Variants in DLC1 observed in about 807,000 individuals in gnomAD.
DLC1 encodes the protein rho GTPase-activating protein 7.
DLC1 carries 54 observed loss-of-function variants against 140.3 expected under a neutral mutation model. That is an observed-to-expected ratio of 0.38 (90% CI 0.31 to 0.48). The LOEUF (loss-of-function observed/expected upper bound fraction) is 0.48. Ranked by LOEUF, DLC1 falls within the 20% of genes least tolerant of loss-of-function variation. The probability of loss-of-function intolerance (pLI) is 0.96; values close to 1 mark genes in which losing one functional copy is unlikely to be tolerated. For missense variants in DLC1, 2,536 were observed against 1,907.0 expected (o/e 1.33, Z -6.14); for synonymous variants, 986 against 728.1 (o/e 1.35, Z -5.70).
Position 13,085,936 on chromosome 8 carries a change from C to G in DLC1, c.4467-5G>C. On this transcript the variant is annotated splice_polypyrimidine_tract_variant and splice_region_variant and intron_variant, in intron 17 of 17. Transcript: ENST00000276297. ...TACCATTCTGGCATGTGGCCCCTAT[C>G]AGAGAAAAGAAAGAAAAGCTGATGA... The G allele has an allele frequency of 6.2e-7, 1 of 1,611,702 alleles. No homozygotes were observed. Among genetic ancestry groups the G allele is most frequent in the Non-Finnish European group, 8.5e-7 (1 of 1,179,408 alleles).
chr8:13,503,187 T>C (rs922821016), intron 1 of DLC1, among the ~76,000 whole-genome samples: 1 of 152,126 alleles, frequency 6.6e-6, no homozygotes, highest in Non-Finnish European at 1.5e-5. Flanking sequence ...TGCGGATCAC[T>C]TGAGCCAGGA....
intron 5 of DLC1, among the ~76,000 whole-genome samples, chr8:13,293,670 A>G (rs927198181): frequency 5.9e-5 from 9 of 152,236 alleles, no homozygotes; most frequent in Non-Finnish European, 5.9e-5. Flanking sequence ...TCAAGAACAG[A>G]AATACATCAC....
intron 4 of DLC1, among the ~76,000 whole-genome samples, chr8:13,305,688 T>C (rs1832389432): frequency 6.6e-6 from 1 of 151,944 alleles, no homozygotes; most frequent in Non-Finnish European, 1.5e-5. Flanking sequence ...AATACAAAAA[T>C]TGGCTGGGCA....
At chr8:13,463,722 G>C (rs1403171995) in intron 2 of DLC1, among the ~76,000 whole-genome samples, 1 of 152,160 alleles carries the variant, frequency 6.6e-6, no homozygotes, top group Non-Finnish European at 1.5e-5. Flanking sequence ...ATTATTCTCT[G>C]ATGAGGAAAC....
At chr8:13,502,494 T>C (rs1403823062) in intron 1 of DLC1, among the ~76,000 whole-genome samples, 1 of 152,210 alleles carries the variant, frequency 6.6e-6, no homozygotes, top group Non-Finnish European at 1.5e-5. Context: ...CCAGTTTCTA[T>C]TTAAATTTTG....
chr8:13,542,264 C>T (rs1407104294), intron 1 of DLC1, among the ~76,000 whole-genome samples: 2 of 152,000 alleles, frequency 1.3e-5, no homozygotes, highest in Non-Finnish European at 2.9e-5. Flanking sequence ...TTTTTTATGC[C>T]TATGTATGTA....
chr8:13,257,167 G>A (rs1830265413), intron 5 of DLC1, among the ~76,000 whole-genome samples: 2 of 151,558 alleles, frequency 1.3e-5, no homozygotes, highest in Admixed American at 1.3e-4. Context: ...ACAAAATCAT[G>A]TTCTTTACTA....
intron 2 of DLC1, among the ~76,000 whole-genome samples, chr8:13,432,938 CTTCCT>C (rs1838950974): frequency 8.4e-6 from 1 of 119,630 alleles, no homozygotes; most frequent in Non-Finnish European, 1.7e-5. Flanking sequence ...AGGTTCCTCT[CTTCCT>C]TTTTTTTTTT....
intron 5 of DLC1, among the ~76,000 whole-genome samples, chr8:13,237,197 A>ATATG (rs1554478020): frequency 0.044 from 6,072 of 138,042 alleles, 154 homozygotes; most frequent in South Asian, 0.061. Context: ...ATATATATAT[A>ATATG]TGTGTGTGTG....
chr8:13,084,243 A>G lies in DLC1; in HGVS notation c.*1568T>C, dbSNP rs969095847. ...AGCCATCAAAATTGAATATCCATGT[A>G]TATCTTCATGAGGAACACTGATATC... On this transcript the variant is annotated 3_prime_UTR_variant, in exon 18 of 18. Coordinates refer to ENST00000276297, the MANE Select transcript of DLC1 (RefSeq NM_182643.3). 1.3e-5 allele frequency: 2 copies of G among 152,636 alleles called. No individual in the cohort carries two copies. Among genetic ancestry groups the G allele is most frequent in the East Asian group, 3.9e-4 (2 of 5,188 alleles). The allele number at this position is 152,636 out of a possible 1,614,324, so 9.5% of individuals were successfully genotyped here.
At chr8:13,587,828 CT>C (rs1227706387) in intron 1 of DLC1, among the ~76,000 whole-genome samples, 1 of 150,626 alleles carries the variant, frequency 6.6e-6, no homozygotes. Context: ...CAGATTCACA[CT>C]TTTCTCTAAA....
intron 2 of DLC1, among the ~76,000 whole-genome samples, chr8:13,490,653 T>C (rs982789472): frequency 6.6e-6 from 1 of 152,196 alleles, no homozygotes; most frequent in Non-Finnish European, 1.5e-5. Flanking sequence ...TTGGTCATGG[T>C]TTATAGTAAC....
chr8:13,267,100 A>G (rs1164349845), intron 5 of DLC1, among the ~76,000 whole-genome samples: 1 of 152,242 alleles, frequency 6.6e-6, no homozygotes, highest in East Asian at 1.9e-4. Flanking sequence ...TAACAGCACA[A>G]AAGAAAGATG....
At position 13,171,639 on chromosome 8, in the gene DLC1, C is replaced by T. The variant is rs541443845; in HGVS notation, c.1349-55982G>A. ...CTGGCCTCAAGCAATCCTCCCTCCT[C>T]GACCTCCCAAAGTGCTGGGATTACA... On this transcript the variant is annotated intron_variant, in intron 5 of 17. Transcript: ENST00000276297. 2.6e-5 allele frequency among the ~76,000 whole-genome samples: 4 copies of T among 152,300 alleles called. No individual in the cohort carries two copies. The South Asian group carries it at 6.2e-4, about 24-fold the overall frequency.
chr8:13,312,995 C>T (rs981427219), intron 4 of DLC1, among the ~76,000 whole-genome samples: 1 of 152,118 alleles, frequency 6.6e-6, no homozygotes, highest in Non-Finnish European at 1.5e-5. Flanking sequence ...ATCTCCCCTT[C>T]GATGTTACAC....
At chr8:13,116,274 G>T in intron 5 of DLC1, 2 of 968,280 alleles carry the variant, frequency 2.1e-6, no homozygotes, top group South Asian at 4.8e-5. Context: ...GGCAGAAATG[G>T]CTAATAAAGC....
Position 13,526,647 on chromosome 8 carries a change from T to A in DLC1, c.-125-26451A>T, listed in dbSNP as rs796814202. ...GGGACATGGATGAAGCTGGAAAACA[T>A]CATTCTGAGCAAACTATCGCAAGGA... On this transcript the variant is annotated intron_variant, in intron 1 of 1. Transcript: ENST00000631382. 3.3e-5 allele frequency among the ~76,000 whole-genome samples: 5 copies of A among 152,258 alleles called. 1 individual carries two copies. Among genetic ancestry groups the A allele is most frequent in the African/African-American group, 1.2e-4 (5 of 41,554 alleles).
chr8:13,561,929 G>A (rs191058876), intron 1 of DLC1, among the ~76,000 whole-genome samples: 14 of 152,172 alleles, frequency 9.2e-5, no homozygotes, highest in Middle Eastern at 3.4e-3. Context: ...GAAAGCAAGA[G>A]GCTATCTTAA....
intron 5 of DLC1, among the ~76,000 whole-genome samples, chr8:13,171,455 T>C (rs1585833910): frequency 2.0e-5 from 3 of 152,040 alleles, no homozygotes; most frequent in African/African-American, 7.2e-5. Flanking sequence ...CAGACTGGAG[T>C]GCATAGCTCA....
Sources: gnomAD v4.1 joint callset for allele counts (sites outside exome capture counted in the v4.1 genomes callset) on GRCh38, gnomAD v4.1.1 for gene constraint, MANE v1.5 for transcripts, NCBI Gene and HGNC (gene_info 2026-07-23, HGNC 2026-07-21) for gene names.